The following SLC22A16 variants were observed in gnomAD, a reference collection of about 807,000 sequenced individuals.
The protein encoded by SLC22A16 is solute carrier family 22 member 16.
SLC22A16 carries 53 observed loss-of-function variants against 52.9 expected under a neutral mutation model. That is an observed-to-expected ratio of 1.00 (90% CI 0.80 to 1.26). SLC22A16 has a LOEUF of 1.26. SLC22A16 is among the 50% of genes most tolerant of loss of function. The probability of loss-of-function intolerance (pLI) is 0.00; values close to 1 mark genes in which losing one functional copy is unlikely to be tolerated. For synonymous variants in SLC22A16, 291 were observed against 268.8 expected (o/e 1.08, Z -0.81); for missense variants, 726 against 704.0 (o/e 1.03, Z -0.35).
intron 2 of SLC22A16, among the ~76,000 whole-genome samples, chr6:110,455,098 C>T (rs1775597335): frequency 1.4e-5 from 2 of 141,360 alleles, no homozygotes; most frequent in Admixed American, 7.8e-5. Context: ...ATCAAAGTGA[C>T]TGTAAGTGTT....
At chr6:110,434,897 G>C (rs1031704155) in intron 6 of SLC22A16, among the ~76,000 whole-genome samples, 2 of 152,070 alleles carry the variant, frequency 1.3e-5, no homozygotes, top group African/African-American at 4.8e-5. Flanking sequence ...AGAATTGCTT[G>C]AACCCAGGAG....
chr6:110,475,972 A>G (rs777571783), intron 1 of SLC22A16: 113 of 456,404 alleles, frequency 2.5e-4, no homozygotes, highest in Non-Finnish European at 4.6e-4. Flanking sequence ...ACATCAAATG[A>G]AGAACTATGT....
intron 7 of SLC22A16, among the ~76,000 whole-genome samples, chr6:110,427,635 G>A (rs1342175905): frequency 6.6e-6 from 1 of 152,120 alleles, no homozygotes; most frequent in African/African-American, 2.4e-5. Context: ...GAGTAGCTGG[G>A]ACTACAGGCA....
intron 2 of SLC22A16, 85 bp from the exon 3 acceptor site, chr6:110,447,075 A>G (rs1775205931): frequency 9.8e-7 from 1 of 1,018,984 alleles, no homozygotes; most frequent in Non-Finnish European, 1.5e-6. Flanking sequence ...AAAGATAGGC[A>G]TTACCTATAT....
chr6:110,431,943 G>T (rs1378600281), intron 6 of SLC22A16, among the ~76,000 whole-genome samples: 1 of 152,158 alleles, frequency 6.6e-6, no homozygotes, highest in African/African-American at 2.4e-5. Flanking sequence ...GCAGGAATTT[G>T]TTTCAGGTAG....
intron 3 of SLC22A16, among the ~76,000 whole-genome samples, chr6:110,445,201 C>T (rs754135534): frequency 2.0e-4 from 31 of 152,158 alleles, no homozygotes; most frequent in Admixed American, 1.6e-3. Context: ...TCCCTTCAGC[C>T]TCATCAATGC....
At chr6:110,425,180 G>T (rs1774207191) in intron 7 of SLC22A16, 95 bp from the exon 8 acceptor site, 2 of 1,549,946 alleles carry the variant, frequency 1.3e-6, no homozygotes, top group African/African-American at 1.4e-5. Context: ...GAGGGTAATG[G>T]ATTTGAATTT....
chr6:110,456,645 G>C lies in SLC22A16; in HGVS notation c.426C>G (p.Thr142=). The change falls in exon 2 of 8, where the codon ACC becomes ACG. Residue 142 remains threonine (T), a synonymous_variant. Coordinates refer to ENST00000368919, the MANE Select transcript of SLC22A16 (RefSeq NM_033125.4). The stretch of plus-strand genomic sequence containing the variant: ...TTCGGTCACAGACCAGGTTCCACTG[G>C]GTCACCGCAGTGCTTTTCCATGTGT... The part of the protein sequence containing the change: ...DQNTWKSTAV[T]QWNLVCDRKW... 6.2e-7 allele frequency: 1 copy of C among 1,614,160 alleles called. No individual in the cohort carries two copies. The highest frequency in any genetic ancestry group is 8.5e-7 in the Non-Finnish European group (1 of 1,180,032).
At chr6:110,458,313 G>A (rs1046482001) in intron 1 of SLC22A16, among the ~76,000 whole-genome samples, 5 of 152,070 alleles carry the variant, frequency 3.3e-5, no homozygotes, top group Admixed American at 3.3e-4. Flanking sequence ...TGACATTCAG[G>A]ACCACTACCA....
chr6:110,471,866 G>A (rs1336963444), intron 1 of SLC22A16, among the ~76,000 whole-genome samples: 1 of 152,182 alleles, frequency 6.6e-6, no homozygotes. Context: ...CCCAGGGAGA[G>A]GGAAAACTAT....
intron 4 of SLC22A16, among the ~76,000 whole-genome samples, chr6:110,439,284 C>T (rs773712039): frequency 4.3e-4 from 65 of 152,258 alleles, no homozygotes; most frequent in Non-Finnish European, 8.7e-4. Flanking sequence ...TATGAGATTG[C>T]CCAGTTTTTT....
chr6:110,457,298 A>C (rs903562652), intron 1 of SLC22A16, among the ~76,000 whole-genome samples: 2 of 152,360 alleles, frequency 1.3e-5, no homozygotes, highest in Admixed American at 1.3e-4. Context: ...GAGAGGAGCC[A>C]GAAAAAGTGG....
chr6:110,427,439 G>A (rs995471201), intron 7 of SLC22A16, among the ~76,000 whole-genome samples: 2 of 152,052 alleles, frequency 1.3e-5, no homozygotes, highest in Non-Finnish European at 2.9e-5. Context: ...AGTATCTGTC[G>A]CAAACGACTG....
chr6:110,462,574 A>G (rs540332289), intron 1 of SLC22A16, among the ~76,000 whole-genome samples: 4 of 152,332 alleles, frequency 2.6e-5, no homozygotes, highest in African/African-American at 7.2e-5. Flanking sequence ...AAGTCAAACA[A>G]AAATAAAGAA....
chr6:110,443,063 G>C (rs1174678715), intron 3 of SLC22A16, among the ~76,000 whole-genome samples: 1 of 151,996 alleles, frequency 6.6e-6, no homozygotes, highest in Non-Finnish European at 1.5e-5. Context: ...TCATTATACT[G>C]TGGATGTATT....
chr6:110,438,796 A>G lies in SLC22A16; in HGVS notation c.1235T>C (p.Val412Ala), dbSNP rs376138651. ...YTFVCIAMDK[V>A]GRRTVLAYSL... Reference sequence around the variant, plus strand: ...GTAGGCCAGGACTGTTCTCCTCCCGACCTTGTCCATGGCGATGCACACGAA... The same window carrying G: ...GTAGGCCAGGACTGTTCTCCTCCCGGCCTTGTCCATGGCGATGCACACGAA... The change falls in exon 5 of 8, where the codon GTC (valine) becomes GCC (alanine). Residue 412 changes from valine to alanine, a missense_variant. Val to Ala is a moderately conservative substitution (Grantham distance 64). Coordinates refer to ENST00000368919, the MANE Select transcript of SLC22A16 (RefSeq NM_033125.4). 1 of 1,614,078 alleles carries G rather than the reference A, an allele frequency of 6.2e-7. No homozygotes were observed. Among genetic ancestry groups the G allele is most frequent in the African/African-American group, 1.3e-5 (1 of 75,008 alleles).
rs149729857 is a variant in SLC22A16 at position 110,465,271 on chromosome 6, G to A, written c.54-8254C>T. ...ATTTCACTCTTACAGCTCCTAAATA[G>A]CACAGTACTAGAAGTCCTAAACATA... On this transcript the variant is annotated intron_variant, in intron 1 of 7. Transcript: ENST00000368919. 2.4e-3 allele frequency among the ~76,000 whole-genome samples: 372 copies of A among 151,840 alleles called. 1 individual carries two copies. Among genetic ancestry groups the A allele is most frequent in the African/African-American group, 8.5e-3 (354 of 41,464 alleles).
intron 2 of SLC22A16, among the ~76,000 whole-genome samples, chr6:110,451,364 A>C (rs190112199): frequency 1.6e-4 from 25 of 152,326 alleles, no homozygotes; most frequent in African/African-American, 5.5e-4. Context: ...ACTCTATATG[A>C]TACCAAATCA....
chr6:110,425,316 C>T, intron 7 of SLC22A16: 1 of 1,476,210 alleles, frequency 6.8e-7, no homozygotes, highest in Non-Finnish European at 9.1e-7. Context: ...CATGACCCAC[C>T]ATGGAGTGCC....
Sources: gnomAD v4.1 joint callset for allele counts (sites outside exome capture counted in the v4.1 genomes callset) on GRCh38, gnomAD v4.1.1 for gene constraint, MANE v1.5 for transcripts, NCBI Gene and HGNC (gene_info 2026-07-23, HGNC 2026-07-21) for gene names.